The following MIB2 variants were observed in gnomAD, a reference collection of about 807,000 sequenced individuals.
MIB2 encodes the protein E3 ubiquitin-protein ligase MIB2.
Under a neutral mutation model 96.6 loss-of-function variants are expected in MIB2, and 78 were observed. The observed-to-expected ratio is 0.81, with a 90% CI of 0.67 to 0.97. The LOEUF (loss-of-function observed/expected upper bound fraction) is 0.97, where lower values mean the gene tolerates loss of function less well. Ranked by LOEUF, MIB2 falls within the 50% of genes least tolerant of loss-of-function variation. The pLI is 0.00. For synonymous variants in MIB2, 820 were observed against 629.5 expected, an observed-to-expected ratio of 1.30 and a Z score of -4.53; for missense variants, 1,543 against 1,424.0, an observed-to-expected ratio of 1.08 and a Z score of -1.35.
Position 1,615,651 on chromosome 1 carries a change from TC to T in MIB2, c.-130+19del, listed in dbSNP as rs1244523288. The T allele has an allele frequency of 3.2e-6, 5 of 1,570,996 alleles. No homozygotes were observed. The highest frequency in any genetic ancestry group is 4.3e-6 in the Non-Finnish European group (5 of 1,162,504). The stretch of plus-strand genomic sequence containing the variant: ...GGCTGATGGTGCGTGCGGGCGCGGA[TC>T]TCCTCCCCTGGTCCTCCGCACCGTC... On this transcript the variant is annotated intron_variant, in intron 1 of 19. Coordinates refer to ENST00000355826, the MANE Select transcript of MIB2 (RefSeq NM_001170687.4).
chr1:1,621,612 G>T (rs1644265860), intron 2 of MIB2, among the ~76,000 whole-genome samples: 2 of 152,278 alleles, frequency 1.3e-5, no homozygotes, highest in Non-Finnish European at 2.9e-5. Context: ...CGGCTGCTGG[G>T]TGGGGGCTCC....
intron 1 of MIB2, 56 bp downstream of exon 1, chr1:1,615,689 C>T: frequency 6.6e-7 from 1 of 1,526,004 alleles, no homozygotes. Context: ...CCGAGTCGTT[C>T]TCCGCTCTGG....
intron 2 of MIB2, among the ~76,000 whole-genome samples, chr1:1,622,899 C>T (rs372595707): frequency 5.9e-5 from 9 of 152,150 alleles, no homozygotes; most frequent in Non-Finnish European, 8.8e-5. Flanking sequence ...GCGCCTGCAT[C>T]GTGTTTGCCG....
Position 1,626,626 on chromosome 1 carries a change from C to T in MIB2, c.973-24C>T, listed in dbSNP as rs369075139. 7.3e-4 allele frequency: 1,106 copies of T among 1,520,896 alleles called. 2 individuals are homozygous for T. Among genetic ancestry groups the T allele is most frequent in the Non-Finnish European group, 4.9e-4 (559 of 1,135,214 alleles). 94.2% of individuals were successfully genotyped at this position (1,520,896 alleles called of 1,614,324 possible). A position where few individuals can be genotyped will look rare whatever the true frequency, so the allele number is the denominator to read the frequency against. ...GCAGCCACACACAGCTGGGGGGCCCCTCACGCCCCTCTTTGTCGCTCAGCA... is the reference window on the plus strand; with the variant it reads ...GCAGCCACACACAGCTGGGGGGCCCTTCACGCCCCTCTTTGTCGCTCAGCA... On this transcript the variant is annotated intron_variant, in intron 8 of 19. Coordinates refer to ENST00000355826, the MANE Select transcript of MIB2 (RefSeq NM_001170687.4). The surrounding 1 kb of genome is among the most constrained non-coding windows in gnomAD (Gnocchi z 5.3).
At chr1:1,616,006 C>T (rs1643604476) in intron 1 of MIB2, 2 of 984,770 alleles carry the variant, frequency 2.0e-6, no homozygotes, top group Non-Finnish European at 2.4e-6. Flanking sequence ...TGGCCTCGAA[C>T]GCCGGGACAG....
intron 13 of MIB2, 88 bp from the exon 14 acceptor site, chr1:1,627,931 C>G (rs1002885628): frequency 4.4e-5 from 71 of 1,602,232 alleles, no homozygotes; most frequent in Non-Finnish European, 5.4e-5. Flanking sequence ...CTGGGTGCCC[C>G]CTGCCCGTGA....
At chr1:1,629,843 C>G in intron 19 of MIB2, 139 bp downstream of exon 19, 1 of 989,050 alleles carries the variant, frequency 1.0e-6, no homozygotes, top group East Asian at 3.0e-5. Context: ...GGCTCACACC[C>G]GGCCCCCCAG....
Position 1,627,742 on chromosome 1 carries a change from G to T in MIB2, c.1593G>T (p.Gln531His). Residue 531 changes from glutamine to histidine, a missense_variant, in exon 13 of 20, where the codon CAG becomes CAT. Transcript: ENST00000355826. ...GCRADAINST[Q>H]STALHVAVQR... is the part of the protein sequence containing the mutation. ...GGGCGGACGCCATCAACAGCACCCA[G>T]AGCACAGCACTGCACGTGGCCGTGC... 1 of 1,596,616 alleles carries T rather than the reference G, an allele frequency of 6.3e-7. No homozygotes were observed.
In MIB2 at chr1:1,629,322, G is replaced by C; in HGVS notation, c.2381+11G>C. 1 of 1,473,290 alleles carries C rather than the reference G, an allele frequency of 6.8e-7. No homozygotes were observed. Among genetic ancestry groups the C allele is most frequent in the Non-Finnish European group, 8.9e-7 (1 of 1,126,306 alleles). The allele number at this position is 1,473,290 out of a possible 1,614,324, so 91.3% of individuals were successfully genotyped here. A position where few individuals can be genotyped will look rare whatever the true frequency, so the allele number is the denominator to read the frequency against. The stretch of plus-strand genomic sequence containing the variant: ...CGCCCAGCGCTTCCGGTGAGTCCGT[G>C]GACGGCGGGGATGGGGTCCGGCGGC... On this transcript the variant is annotated intron_variant, in intron 17 of 19. Coordinates refer to ENST00000355826, the MANE Select transcript of MIB2 (RefSeq NM_001170687.4).
At chr1:1,627,535 G>C in intron 12 of MIB2, 91 bp downstream of exon 12, 1 of 1,485,562 alleles carries the variant, frequency 6.7e-7, no homozygotes, top group South Asian at 1.3e-5. Context: ...GGCTGAGCCT[G>C]TGCGTCCTGG....
chr1:1,616,507 G>A lies in MIB2; in HGVS notation c.-129-1G>A, dbSNP rs1396047692. ...ATCTTGGCATCTCCCCTCGGCCACA[G>A]GGTTGGAAGCCCAGCGAGGCTAGAG... On this transcript the variant is annotated splice_acceptor_variant, in intron 1 of 19. Coordinates refer to ENST00000355826, the MANE Select transcript of MIB2 (RefSeq NM_001170687.4). LOFTEE classifies it low-confidence loss of function (5UTR_SPLICE). 6.3e-7 allele frequency: 1 copy of A among 1,581,952 alleles called. No homozygotes were observed. The highest frequency in any genetic ancestry group is 8.6e-7 in the Non-Finnish European group (1 of 1,164,978).
chr1:1,616,600 T>C lies in MIB2; in HGVS notation c.-37T>C. 1 of 1,596,358 alleles carries C rather than the reference T, an allele frequency of 6.3e-7. No individual in the cohort carries two copies. Among genetic ancestry groups the C allele is most frequent in the Non-Finnish European group, 8.5e-7 (1 of 1,171,260 alleles). On this transcript the variant is annotated 5_prime_UTR_variant, in exon 2 of 20. Transcript: ENST00000355826. Reference sequence around the variant, plus strand: ...GCCTCAAGGCGGCCCGGCGGGCGACTGGACGGCCGGACAGGTGAGCTCTTG... The same window carrying C: ...GCCTCAAGGCGGCCCGGCGGGCGACCGGACGGCCGGACAGGTGAGCTCTTG...
intron 1 of MIB2, 48 bp downstream of exon 1, chr1:1,615,681 G>C: frequency 6.5e-7 from 1 of 1,533,054 alleles, no homozygotes; most frequent in Middle Eastern, 2.0e-4. Context: ...CACCGTCCCC[G>C]AGTCGTTCTC....
In MIB2 at chr1:1,627,068, C is replaced by T. The variant is rs1483711730; in HGVS notation, c.1241-6C>T. 2.5e-6 allele frequency: 4 copies of T among 1,600,602 alleles called. No homozygotes were observed. On this transcript the variant is annotated splice_polypyrimidine_tract_variant and splice_region_variant and intron_variant, in intron 10 of 19. Transcript: ENST00000355826. The stretch of plus-strand genomic sequence containing the variant: ...TGGCCACCACTAACCTCAGCCCTGC[C>T]CCCAGGCTCACTGAGCGTGGCCCTG...
rs761797842 is a variant in MIB2, at chr1:1,623,492, C to T, written c.40C>T (p.Arg14Trp). 7 of 1,575,548 alleles carry T rather than the reference C, an allele frequency of 4.4e-6. No homozygotes were observed. The highest frequency in any genetic ancestry group is 1.8e-5 in the Admixed American group (1 of 55,366). The part of the protein sequence containing the change: ...DPQAGVQVGM[R>W]VVRGVDWKWG... Reference sequence around the variant, plus strand: ...CCAGGCGGGCGTGCAGGTGGGCATGCGGGTGGTGCGCGGCGTGGACTGGAA... The same window carrying T: ...CCAGGCGGGCGTGCAGGTGGGCATGTGGGTGGTGCGCGGCGTGGACTGGAA... Residue 14 changes from arginine (R) to tryptophan (W), a missense_variant, in exon 3 of 20, where the codon CGG (arginine) becomes TGG (tryptophan). Coordinates refer to ENST00000355826, the MANE Select transcript of MIB2 (RefSeq NM_001170687.4).
intron 1 of MIB2, chr1:1,616,262 C>G (rs902515372): frequency 4.9e-5 from 20 of 405,080 alleles, no homozygotes; most frequent in African/African-American, 4.3e-4. Context: ...GTGCGCGTCC[C>G]GGAGCCTCCT....
chr1:1,629,826 C>T (rs1638409170), intron 19 of MIB2, 122 bp downstream of exon 19: 6 of 1,113,352 alleles, frequency 5.4e-6, no homozygotes, highest in Admixed American at 6.3e-5. Flanking sequence ...ACACCCCGCC[C>T]TCCCAAGGCT....
chr1:1,626,358 A>G lies in MIB2; in HGVS notation c.973-292A>G. 1 of 446,552 alleles carries G rather than the reference A, an allele frequency of 2.2e-6. No individual in the cohort carries two copies. The highest frequency in any genetic ancestry group is 5.8e-4 in the Middle Eastern group (1 of 1,720). 27.7% of individuals were successfully genotyped at this position (446,552 alleles called of 1,614,324 possible). On this transcript the variant is annotated intron_variant, in intron 8 of 19. Transcript: ENST00000355826. The surrounding 1 kb of genome is among the most constrained non-coding windows in gnomAD (Gnocchi z 5.3). ...CTGGCCATGTTGCCTGCTGCTGGTC[A>G]GCGTACAGCTTCCCAGGGCCAGCCA...
upstream of MIB2, chr1:1,615,151 C>A (rs1305824894): frequency 7.5e-6 from 3 of 402,012 alleles, no homozygotes; most frequent in Non-Finnish European, 8.8e-6. Context: ...GGAGGACGGG[C>A]CCGGACTGCC....
Sources: gnomAD v4.1 joint callset for allele counts (sites outside exome capture counted in the v4.1 genomes callset) on GRCh38, gnomAD v4.1.1 for gene constraint, Gnocchi (gnomAD v3.1) non-coding constraint, MANE v1.5 for transcripts, NCBI Gene and HGNC (gene_info 2026-07-23, HGNC 2026-07-21) for gene names.